Variants in PLEKHA5 observed in about 807,000 individuals in gnomAD.
PLEKHA5 encodes pleckstrin homology domain containing A5.
Under a neutral mutation model 181.9 loss-of-function variants are expected in PLEKHA5, and 55 were observed. The ratio of observed to expected loss-of-function variants is 0.30; its 90% CI spans 0.24 to 0.38. The LOEUF is 0.38. Ranked by LOEUF, PLEKHA5 falls within the 10% of genes least tolerant of loss-of-function variation. PLEKHA5 has a pLI of 1.00. For missense variants in PLEKHA5, 1,432 were observed against 1,549.5 expected, an observed-to-expected ratio of 0.92 and a Z score of 1.27; for synonymous variants, 535 against 529.4, an observed-to-expected ratio of 1.01 and a Z score of -0.15.
intron 3 of PLEKHA5, among the ~76,000 whole-genome samples, chr12:19,215,709 T>A (rs1387067066): frequency 6.6e-6 from 1 of 152,204 alleles, no homozygotes; most frequent in Non-Finnish European, 1.5e-5. Context: ...AAAAAAATTG[T>A]TCTAGCCAAC....
chr12:19,290,246 T>G lies in PLEKHA5; in HGVS notation c.1864-431T>G, dbSNP rs537528342. Among the ~76,000 whole-genome samples, 12 of 152,340 alleles carry G rather than the reference T, an allele frequency of 7.9e-5. No individual in the cohort carries two copies. The South Asian group carries it at 2.5e-3, about 32-fold the overall frequency. On this transcript the variant is annotated intron_variant, in intron 13 of 31. Coordinates refer to ENST00000429027, the MANE Select transcript of PLEKHA5 (RefSeq NM_001256470.2). ...GTGCCCGGACTACATTTATTTTAATTATTTTATGTAGTTCTGTTAGAAAGT... is the reference window on the plus strand; with the variant it reads ...GTGCCCGGACTACATTTATTTTAATGATTTTATGTAGTTCTGTTAGAAAGT...
chr12:19,231,582 A>G (rs11044456), intron 3 of PLEKHA5, among the ~76,000 whole-genome samples: 3 of 131,782 alleles, frequency 2.3e-5, no homozygotes, highest in Non-Finnish European at 3.1e-5. Flanking sequence ...ATATGTATAT[A>G]TATTTATATA....
chr12:19,141,988 T>C (rs1271642328), intron 3 of PLEKHA5, among the ~76,000 whole-genome samples: 3 of 152,220 alleles, frequency 2.0e-5, no homozygotes, highest in Non-Finnish European at 4.4e-5. Flanking sequence ...ATTGTTTCTT[T>C]GGATAGACAT....
At chr12:19,269,026 G>T (rs1402059275) in intron 8 of PLEKHA5, among the ~76,000 whole-genome samples, 3 of 152,020 alleles carry the variant, frequency 2.0e-5, no homozygotes, top group African/African-American at 7.2e-5. Context: ...GCCATAACAT[G>T]TACATTTCTA....
chr12:19,316,052 A>G (rs1008812459), intron 16 of PLEKHA5, among the ~76,000 whole-genome samples: 10 of 152,100 alleles, frequency 6.6e-5, no homozygotes, highest in African/African-American at 2.4e-4. Context: ...CAGATTATAG[A>G]CCTTGGTACT....
intron 12 of PLEKHA5, among the ~76,000 whole-genome samples, chr12:19,286,785 G>A (rs564508499): frequency 6.6e-6 from 1 of 151,794 alleles, no homozygotes; most frequent in Non-Finnish European, 1.5e-5. Flanking sequence ...GGCCAACATG[G>A]TGAAACCCCG....
chr12:19,197,814 T>A (rs1266288582), intron 3 of PLEKHA5, among the ~76,000 whole-genome samples: 1 of 134,570 alleles, frequency 7.4e-6, no homozygotes, highest in African/African-American at 2.6e-5. Context: ...ACCTCTTTCC[T>A]CATCTCCACA....
chr12:19,220,065 A>G (rs1565481726), intron 3 of PLEKHA5, among the ~76,000 whole-genome samples: 2 of 152,150 alleles, frequency 1.3e-5, no homozygotes, highest in South Asian at 2.1e-4. Flanking sequence ...AATTAATTCA[A>G]CTTTTAACTA....
At chr12:19,163,894 T>A (rs563222329) in intron 3 of PLEKHA5, among the ~76,000 whole-genome samples, 41 of 152,252 alleles carry the variant, frequency 2.7e-4, no homozygotes, top group Admixed American at 1.2e-3. Flanking sequence ...AGAATGTTCT[T>A]TATCCAAATT....
intron 3 of PLEKHA5, among the ~76,000 whole-genome samples, chr12:19,181,895 T>C (rs2048687382): frequency 6.6e-6 from 1 of 152,204 alleles, no homozygotes; most frequent in Admixed American, 6.5e-5. Flanking sequence ...GCAATTCGAC[T>C]ACATTCATTA....
At position 19,353,976 on chromosome 12, in the gene PLEKHA5, A is replaced by G; in HGVS notation, c.3112A>G (p.Thr1038Ala). The G allele has an allele frequency of 6.3e-7, 1 of 1,588,840 alleles. No homozygotes were observed. Among genetic ancestry groups the G allele is most frequent in the Non-Finnish European group, 8.6e-7 (1 of 1,157,344 alleles). Residue 1038 changes from threonine to alanine, a missense_variant, in exon 26 of 32, where the codon ACT becomes GCT. Physicochemically the swap from Thr to Ala is moderately conservative, Grantham distance 58. This residue lies in a region of PLEKHA5 where 1,143 missense variants were observed against 1,168.4 expected (regional missense o/e 0.98). Coordinates refer to ENST00000429027, the MANE Select transcript of PLEKHA5 (RefSeq NM_001256470.2). ...AGCTTCCTATGTAACCTTGAGGAAAACTAAGAAGATGATGGATCTAAGAAC... is the reference window on the plus strand; with the variant it reads ...AGCTTCCTATGTAACCTTGAGGAAAGCTAAGAAGATGATGGATCTAAGAAC... ...TIASYVTLRK[T>A]KKMMDLRTER...
chr12:19,304,123 T>TA (rs2082419824), intron 15 of PLEKHA5, among the ~76,000 whole-genome samples: 1 of 148,638 alleles, frequency 6.7e-6, no homozygotes, highest in Non-Finnish European at 1.5e-5. Flanking sequence ...CCCCATCTCT[T>TA]AAGAAAAAGA....
At chr12:19,300,208 A>G (rs1345879778) in intron 15 of PLEKHA5, among the ~76,000 whole-genome samples, 1 of 152,226 alleles carries the variant, frequency 6.6e-6, no homozygotes, top group Non-Finnish European at 1.5e-5. Context: ...AAAACCTTGT[A>G]TTAATGGATT....
intron 13 of PLEKHA5, chr12:19,288,009 T>A (rs1189068450): frequency 1.4e-5 from 3 of 218,050 alleles, no homozygotes; most frequent in Admixed American, 5.8e-5. Flanking sequence ...ACCCAGGAGG[T>A]GGAGTTTGCA....
At chr12:19,352,286 G>A (rs904807484) in intron 25 of PLEKHA5, among the ~76,000 whole-genome samples, 9 of 151,658 alleles carry the variant, frequency 5.9e-5, no homozygotes, top group Admixed American at 2.6e-4. Context: ...TCAGGAGGCT[G>A]AGGTGGGAGG....
At chr12:19,162,914 A>G (rs574251971) in intron 3 of PLEKHA5, among the ~76,000 whole-genome samples, 4 of 152,324 alleles carry the variant, frequency 2.6e-5, no homozygotes, top group Admixed American at 2.6e-4. Context: ...ACAGAATTTT[A>G]TAGGAGGCTA....
chr12:19,227,093 T>C (rs1382330054), intron 3 of PLEKHA5, among the ~76,000 whole-genome samples: 1 of 152,152 alleles, frequency 6.6e-6, no homozygotes, highest in African/African-American at 2.4e-5. Context: ...TTGTTGCTCA[T>C]TGTTAATGTT....
At chr12:19,274,316 C>G (rs2152735209) in intron 10 of PLEKHA5, among the ~76,000 whole-genome samples, 200 bp from the exon 11 acceptor site, 1 of 152,258 alleles carries the variant, frequency 6.6e-6, no homozygotes, top group South Asian at 2.1e-4. Flanking sequence ...TCTTTTTCCC[C>G]CTTTCTGTTT....
At chr12:19,132,497 T>A in intron 3 of PLEKHA5, 47 bp downstream of exon 3, 4 of 918,294 alleles carry the variant, frequency 4.4e-6, no homozygotes, top group Non-Finnish European at 5.4e-6. Flanking sequence ...TAGAATGCTG[T>A]GATTACTCCT....
Sources: gnomAD v4.1 joint callset for allele counts (sites outside exome capture counted in the v4.1 genomes callset) on GRCh38, gnomAD v4.1.1 for gene constraint, gnomAD v4.1.1 regional missense constraint, MANE v1.5 for transcripts, NCBI Gene and HGNC (gene_info 2026-07-23, HGNC 2026-07-21) for gene names.